CA8: variants seen among roughly 807,000 people sequenced by gnomAD.
The protein encoded by CA8 is carbonic anhydrase-related protein.
CA8 carries 22 observed loss-of-function variants against 41.4 expected under a neutral mutation model. That is an observed-to-expected ratio of 0.53 (90% CI 0.38 to 0.76). The LOEUF (loss-of-function observed/expected upper bound fraction) is 0.76. CA8 is among the 30% of genes least tolerant of loss of function. CA8 has a pLI of 0.00. For synonymous variants in CA8, 121 were observed against 130.6 expected, an observed-to-expected ratio of 0.93 and a Z score of 0.50; for missense variants, 270 against 352.8, an observed-to-expected ratio of 0.77 and a Z score of 1.88.
intron 5 of CA8, among the ~76,000 whole-genome samples, chr8:60,226,476 T>C (rs1807443571): frequency 6.6e-6 from 1 of 151,942 alleles, no homozygotes; most frequent in South Asian, 2.1e-4. Flanking sequence ...TGCTAGAGAG[T>C]GAGTAGCTGA....
chr8:60,266,161 A>G, intron 2 of CA8, 112 bp from the exon 3 acceptor site: 1 of 977,274 alleles, frequency 1.0e-6, no homozygotes, highest in Non-Finnish European at 1.5e-6. Context: ...TCTACAGATT[A>G]AATTCACAAA....
intron 3 of CA8, among the ~76,000 whole-genome samples, chr8:60,238,059 G>A (rs555968876): frequency 5.9e-5 from 9 of 152,030 alleles, no homozygotes; most frequent in African/African-American, 1.4e-4. Flanking sequence ...TCATATTCCC[G>A]CAACTGATTA....
Position 60,265,912 on chromosome 8 carries a change from T to G in CA8, c.417+13A>C. 6.2e-7 allele frequency: 1 copy of G among 1,613,726 alleles called. No individual in the cohort carries two copies. The highest frequency in any genetic ancestry group is 8.5e-7 in the Non-Finnish European group (1 of 1,179,660). ...GAAAACAAGATTTTTACAAGATGATTTGTTATTCTTACCTCCATGGGAAAA... is the reference window on the plus strand; with the variant it reads ...GAAAACAAGATTTTTACAAGATGATGTGTTATTCTTACCTCCATGGGAAAA... On this transcript the variant is annotated intron_variant, in intron 3 of 8. Coordinates refer to ENST00000317995, the MANE Select transcript of CA8 (RefSeq NM_004056.6).
chr8:60,194,732 T>C (rs945429214), intron 8 of CA8, among the ~76,000 whole-genome samples: 4 of 152,294 alleles, frequency 2.6e-5, no homozygotes, highest in Admixed American at 6.5e-5. Context: ...GATTCTATCA[T>C]GCGAACGGGT....
chr8:60,220,785 G>A (rs868197100), intron 7 of CA8, among the ~76,000 whole-genome samples: 7 of 152,108 alleles, frequency 4.6e-5, no homozygotes, highest in African/African-American at 7.2e-5. Flanking sequence ...CTCCCCCGCC[G>A]TTAGGGTAGT....
chr8:60,237,359 G>C lies in CA8; in HGVS notation c.418-4980C>G, dbSNP rs150288984. 7.2e-5 allele frequency among the ~76,000 whole-genome samples: 11 copies of C among 152,246 alleles called. No homozygotes were observed. In the East Asian group the frequency reaches 2.1e-3, roughly 29 times the overall value. ...TTAGCATTATATATAGCCAGCAAAG[G>C]CAGGGAAGCAGGATGATGGATTCTG... is the stretch of plus-strand genomic sequence containing the variant. On this transcript the variant is annotated intron_variant, in intron 3 of 8. Transcript: ENST00000317995.
In CA8 at chr8:60,187,842, G is replaced by A. The variant is rs1806006424; in HGVS notation, c.*2179C>T. ...TTAATTCTCCCCTTTTTCTTTGGGA[G>A]ATTCCTGCCCCAATTACAGGGTCCA... On this transcript the variant is annotated 3_prime_UTR_variant, in exon 9 of 9. Transcript: ENST00000317995. 6.6e-6 allele frequency: 1 copy of A among 152,198 alleles called. No individual in the cohort carries two copies. The highest frequency in any genetic ancestry group is 3.4e-3 in the Middle Eastern group (1 of 294). The allele number at this position is 152,198 out of a possible 1,614,324, so 9.4% of individuals were successfully genotyped here. A position where few individuals can be genotyped will look rare whatever the true frequency, so the allele number is the denominator to read the frequency against.
intron 1 of CA8, 83 bp downstream of exon 1, chr8:60,280,965 C>CA: frequency 1.0e-6 from 1 of 973,246 alleles, no homozygotes; most frequent in Non-Finnish European, 1.6e-6. Context: ...GAGCGCGCAG[C>CA]GGCAGCAGGA....
At chr8:60,247,415 C>A (rs7814086) in intron 3 of CA8, among the ~76,000 whole-genome samples, 53,322 of 151,770 alleles carry the variant, frequency 0.35, 9,827 homozygotes, top group African/African-American at 0.46. Context: ...TTCCGCTCCA[C>A]CCCCAACAGG....
At chr8:60,206,232 C>T (rs888177153) in intron 8 of CA8, among the ~76,000 whole-genome samples, 2 of 152,086 alleles carry the variant, frequency 1.3e-5, no homozygotes, top group South Asian at 2.1e-4. Context: ...AGAAATAGTA[C>T]CTAAATTGTA....
At chr8:60,258,065 A>T (rs1803608574) in intron 3 of CA8, among the ~76,000 whole-genome samples, 1 of 152,208 alleles carries the variant, frequency 6.6e-6, no homozygotes. Context: ...ATGCTGCTAC[A>T]TCTCGCCCAG....
intron 8 of CA8, among the ~76,000 whole-genome samples, chr8:60,192,539 T>C (rs1320924727): frequency 6.6e-6 from 1 of 152,178 alleles, no homozygotes; most frequent in African/African-American, 2.4e-5. Context: ...TTCAGTGTTT[T>C]AGAGAAAGTT....
intron 7 of CA8, among the ~76,000 whole-genome samples, chr8:60,218,850 C>T (rs1039677900): frequency 6.6e-6 from 1 of 152,156 alleles, no homozygotes; most frequent in Non-Finnish European, 1.5e-5. Flanking sequence ...GCTCGTGTTG[C>T]AGTCCCTGAG....
intron 2 of CA8, among the ~76,000 whole-genome samples, chr8:60,269,989 G>A (rs1025178756): frequency 6.6e-6 from 1 of 152,220 alleles, no homozygotes; most frequent in Non-Finnish European, 1.5e-5. Context: ...ATGGAGAGTA[G>A]AGCGAAGAGC....
intron 3 of CA8, among the ~76,000 whole-genome samples, chr8:60,234,280 C>G (rs1036718286): frequency 3.9e-5 from 6 of 152,140 alleles, no homozygotes; most frequent in Non-Finnish European, 7.3e-5. Flanking sequence ...AAAAATGTCA[C>G]AGCCAAAAGA....
intron 4 of CA8, among the ~76,000 whole-genome samples, chr8:60,228,097 C>A (rs1447564214): frequency 6.6e-6 from 1 of 152,134 alleles, no homozygotes; most frequent in East Asian, 1.9e-4. Context: ...CCAATGTTAA[C>A]TAACTGCAAA....
In CA8 at chr8:60,245,783, G is replaced by T. The variant is rs80159570; in HGVS notation, c.418-13404C>A. On this transcript the variant is annotated intron_variant, in intron 3 of 8. Coordinates refer to ENST00000317995, the MANE Select transcript of CA8 (RefSeq NM_004056.6). Reference sequence around the variant, plus strand: ...TTTCAAAAAGGTCAATTAGGAACAGGAAAGGCATCAATGGGTGTGAACCAA... The same window carrying T: ...TTTCAAAAAGGTCAATTAGGAACAGTAAAGGCATCAATGGGTGTGAACCAA... Among the ~76,000 whole-genome samples the T allele has an allele frequency of 1.2e-3, 182 of 152,296 alleles. No homozygotes were observed. The East Asian group carries it at 0.029, about 24-fold the overall frequency.
intron 8 of CA8, among the ~76,000 whole-genome samples, chr8:60,194,927 A>C (rs1806237330): frequency 6.6e-6 from 1 of 152,152 alleles, no homozygotes; most frequent in Non-Finnish European, 1.5e-5. Flanking sequence ...CCTTCAATTG[A>C]TGGTCATTAT....
chr8:60,265,824 C>A (rs921830416), intron 3 of CA8, 101 bp downstream of exon 3: 90 of 1,290,526 alleles, frequency 7.0e-5, no homozygotes, highest in Non-Finnish European at 9.6e-5. Context: ...TGATAAAATT[C>A]AAGAGCTATG....
Sources: allele counts gnomAD v4.1 joint callset (sites outside exome capture counted in the v4.1 genomes callset), GRCh38; gene constraint gnomAD v4.1.1; transcripts MANE v1.5; gene names NCBI Gene and HGNC (gene_info 2026-07-23, HGNC 2026-07-21).